PCSK9: variants seen among roughly 807,000 people sequenced by gnomAD.
The protein encoded by PCSK9 is convertase subtilisin/kexin type 9 preproprotein.
Under a neutral mutation model 62.1 loss-of-function variants are expected in PCSK9, and 57 were observed. The observed-to-expected ratio is 0.92, with a 90% confidence interval of 0.74 to 1.14. PCSK9 has a LOEUF of 1.14. Among genes scored for constraint, PCSK9 ranks in the 50% most tolerant of loss-of-function variants. PCSK9 has a pLI of 0.00. For missense variants in PCSK9, 870 were observed against 959.8 expected (o/e 0.91, Z 1.24); for synonymous variants, 387 against 409.4 (o/e 0.95, Z 0.66).
intron 11 of PCSK9, among the ~76,000 whole-genome samples, chr1:55,061,806 A>G (rs631220): frequency 0.82 from 125,497 of 152,232 alleles, 51,955 homozygotes; most frequent in East Asian, 0.99. Context: ...TTGGAGTAGA[A>G]TGTGCATAAA....
At chr1:55,055,753 A>C (rs991483675) in intron 5 of PCSK9, among the ~76,000 whole-genome samples, 3 of 152,156 alleles carry the variant, frequency 2.0e-5, no homozygotes, top group African/African-American at 7.2e-5. Flanking sequence ...TAAGGCCTTC[A>C]ACTGATTAAA....
At chr1:55,052,888 A>G (rs1347362164) in intron 5 of PCSK9, 97 bp downstream of exon 5, 1 of 1,578,724 alleles carries the variant, frequency 6.3e-7, no homozygotes, top group Non-Finnish European at 8.6e-7. Context: ...CTCCTAACCA[A>G]GAATGCTGTG....
chr1:55,060,459 G>A (rs1021880277), intron 10 of PCSK9, among the ~76,000 whole-genome samples: 5 of 152,194 alleles, frequency 3.3e-5, no homozygotes, highest in African/African-American at 1.2e-4. Context: ...TGAGAACCTG[G>A]TTCTGGGCAC....
At chr1:55,063,276 C>T in intron 11 of PCSK9, 93 bp from the exon 12 acceptor site, 1 of 1,389,986 alleles carries the variant, frequency 7.2e-7, no homozygotes, top group Non-Finnish European at 1.0e-6. Flanking sequence ...TGCACTTTGG[C>T]CTCACAGAAG....
chr1:55,056,240 A>T, intron 6 of PCSK9, 51 bp downstream of exon 6: 17 of 34,732 alleles, frequency 4.9e-4, no homozygotes, highest in Non-Finnish European at 7.4e-4. Flanking sequence ...CGGAGGGCGG[A>T]GGGCGGAGGG....
intron 4 of PCSK9, 81 bp from the exon 5 acceptor site, chr1:55,052,569 T>G: frequency 6.2e-7 from 1 of 1,604,572 alleles, no homozygotes; most frequent in South Asian, 1.1e-5. Flanking sequence ...GGGAAGGGCG[T>G]TCATCCATCC....
chr1:55,058,810 T>A (rs1372501320), intron 9 of PCSK9, among the ~76,000 whole-genome samples, 163 bp downstream of exon 9: 2 of 151,050 alleles, frequency 1.3e-5, no homozygotes, highest in Non-Finnish European at 2.9e-5. Flanking sequence ...AGACCAGGAG[T>A]GGGGCACTCC....
Position 55,061,477 on chromosome 1 carries a change from G to A in PCSK9, c.1784G>A (p.Ser595Asn). Residue 595 changes from serine (S) to asparagine (N), a missense_variant, in exon 11 of 12, where the codon AGC becomes AAC. Ser to Asn is a conservative substitution (Grantham distance 46, BLOSUM62 1). Coordinates refer to ENST00000302118, the MANE Select transcript of PCSK9 (RefSeq NM_174936.4). ...PNQCVGHREA[S>N]IHASCCHAPG... ...CAGTGCGTGGGCCACAGGGAGGCCA[G>A]CATCCACGCTTCCTGCTGCCATGCC... The A allele has an allele frequency of 1.2e-6, 2 of 1,606,402 alleles. No homozygotes were observed. Among genetic ancestry groups the A allele is most frequent in the Non-Finnish European group, 8.5e-7 (1 of 1,177,146 alleles).
chr1:55,050,781 G>A (rs1644667394), intron 3 of PCSK9, among the ~76,000 whole-genome samples: 1 of 152,188 alleles, frequency 6.6e-6, no homozygotes, highest in Admixed American at 6.5e-5. Context: ...TGCTCTGTAG[G>A]GGGCTAAATA....
chr1:55,061,638 C>T (rs962845926), intron 11 of PCSK9, 82 bp downstream of exon 11: 10 of 1,506,138 alleles, frequency 6.6e-6, no homozygotes, highest in Middle Eastern at 3.4e-4. Context: ...TGTGCCACCA[C>T]CATACCGCCA....
Position 55,039,859 on chromosome 1 carries a change from C to T in PCSK9, c.22C>T (p.Arg8Trp), listed in dbSNP as rs1426361407. Reference sequence around the variant, plus strand: ...CCTCATGGGCACCGTCAGCTCCAGGCGGTCCTGGTGGCCGCTGCCACTGCT... The same window carrying T: ...CCTCATGGGCACCGTCAGCTCCAGGTGGTCCTGGTGGCCGCTGCCACTGCT... Reference protein sequence around the residue: MGTVSSRRSWWPLPLLLL... With the variant: MGTVSSRWSWWPLPLLLL... Residue 8 changes from arginine to tryptophan, a missense_variant, in exon 1 of 12, where the codon CGG becomes TGG. Transcript: ENST00000302118. 14 of 1,564,040 alleles carry T rather than the reference C, an allele frequency of 9.0e-6. No homozygotes were observed. The highest frequency in any genetic ancestry group is 1.1e-5 in the Non-Finnish European group (13 of 1,155,228).
intron 9 of PCSK9, 145 bp downstream of exon 9, chr1:55,058,792 G>T: frequency 6.7e-7 from 1 of 1,483,312 alleles, no homozygotes; most frequent in Non-Finnish European, 9.1e-7. Flanking sequence ...AAGCTTACAG[G>T]GCTGGCCAGA....
Position 55,059,625 on chromosome 1 carries a change from C to A in PCSK9, c.1643C>A (p.Thr548Asn), listed in dbSNP as rs368156218. 5 of 1,551,736 alleles carry A rather than the reference C, an allele frequency of 3.2e-6. No individual in the cohort carries two copies. The African/African-American group carries it at 6.8e-5, about 21-fold the overall frequency. Residue 548 changes from threonine to asparagine, a missense_variant, in exon 10 of 12, where the codon ACC becomes AAC. By Grantham distance (65) the Thr-to-Asn change is moderately conservative (BLOSUM62 0). Transcript: ENST00000302118. ...CCACCAGCTGAGGCCAGCATGGGGA[C>A]CCGTGTCCACTGCCACCAACAGGGC... is the stretch of plus-strand genomic sequence containing the variant. ...TAPPAEASMG[T>N]RVHCHQQGHV...
rs1447116791 is a variant in PCSK9 at position 55,059,522 on chromosome 1, G to A, written c.1540G>A (p.Ala514Thr). Residue 514 changes from alanine to threonine, a missense_variant, in exon 10 of 12, where the codon GCT (alanine) becomes ACT (threonine). Coordinates refer to ENST00000302118, the MANE Select transcript of PCSK9 (RefSeq NM_174936.4). ...GGKLVCRAHN[A>T]FGGEGVYAIA... Reference sequence around the variant, plus strand: ...CAAGCTGGTCTGCCGGGCCCACAACGCTTTTGGGGGTGAGGGTGTCTACGC... The same window carrying A: ...CAAGCTGGTCTGCCGGGCCCACAACACTTTTGGGGGTGAGGGTGTCTACGC... The A allele has an allele frequency of 7.7e-6, 12 of 1,565,244 alleles. No individual in the cohort carries two copies. Among genetic ancestry groups the A allele is most frequent in the Middle Eastern group, 1.7e-4 (1 of 6,022 alleles).
intron 2 of PCSK9, among the ~76,000 whole-genome samples, chr1:55,045,813 G>A (rs542507587): frequency 3.3e-5 from 5 of 151,924 alleles, no homozygotes; most frequent in South Asian, 2.1e-4. Context: ...GGGTTCAAGC[G>A]ATTCTCCTGC....
At chr1:55,061,294 G>A in intron 10 of PCSK9, 81 bp from the exon 11 acceptor site, 1 of 1,440,160 alleles carries the variant, frequency 6.9e-7, no homozygotes, top group Non-Finnish European at 9.4e-7. Context: ...AGACCTTAAA[G>A]AGAGAGGGTC....
chr1:55,057,644 C>T (rs1226765041), intron 7 of PCSK9, 130 bp downstream of exon 7: 1 of 1,147,900 alleles, frequency 8.7e-7, no homozygotes, highest in Non-Finnish European at 1.3e-6. Context: ...CTGATGGTGC[C>T]TTCAAGGACA....
At chr1:55,049,283 G>A (rs7517090) in intron 3 of PCSK9, among the ~76,000 whole-genome samples, 7,564 of 152,314 alleles carry the variant, frequency 0.05, 654 homozygotes, top group African/African-American at 0.17. Context: ...AGAAGGGACC[G>A]AGGCTGGTGA....
chr1:55,058,894 T>C (rs1033250641), intron 9 of PCSK9, among the ~76,000 whole-genome samples: 1 of 152,162 alleles, frequency 6.6e-6, no homozygotes, highest in African/African-American at 2.4e-5. Context: ...AGGACAGTGC[T>C]GGATGGATTT....
Sources: allele counts gnomAD v4.1 joint callset (sites outside exome capture counted in the v4.1 genomes callset), GRCh38; gene constraint gnomAD v4.1.1; transcripts MANE v1.5; gene names NCBI Gene and HGNC (gene_info 2026-07-23, HGNC 2026-07-21).